WIPF1: variants seen among roughly 807,000 people sequenced by gnomAD.
WIPF1 encodes WAS/WASL interacting protein family member 1.
A neutral mutation model predicts 35.4 loss-of-function variants in WIPF1; 13 were observed. The ratio of observed to expected loss-of-function variants is 0.37; its 90% CI spans 0.24 to 0.58. The LOEUF (loss-of-function observed/expected upper bound fraction) is 0.58. WIPF1 is among the 20% of genes least tolerant of loss of function. WIPF1 has a pLI of 0.74. For synonymous variants in WIPF1, 267 were observed against 266.3 expected, an observed-to-expected ratio of 1.00 and a Z score of -0.02; for missense variants, 591 against 667.0, an observed-to-expected ratio of 0.89 and a Z score of 1.25.
intron 1 of WIPF1, among the ~76,000 whole-genome samples, chr2:174,674,336 G>A (rs769617340): frequency 2.6e-5 from 4 of 152,212 alleles, no homozygotes; most frequent in Non-Finnish European, 5.9e-5. Flanking sequence ...GAGAAACTCA[G>A]CTTTGCAGTC....
intron 1 of WIPF1, among the ~76,000 whole-genome samples, chr2:174,588,183 T>C (rs536509782): frequency 2.0e-5 from 3 of 151,952 alleles, no homozygotes; most frequent in Non-Finnish European, 4.4e-5. Context: ...ATGATCAGAG[T>C]TGGGAAAGGC....
chr2:174,562,036 T>C lies in WIPF1; in HGVS notation c.*511A>G. The C allele has an allele frequency of 1.9e-6, 3 of 1,545,790 alleles. No individual in the cohort carries two copies. Among genetic ancestry groups the C allele is most frequent in the Non-Finnish European group, 2.6e-6 (3 of 1,142,672 alleles). ...ATTATATTTCTATTGGACAGCTCTG[T>C]CCTAGAGCCAAGCTCGGACTGCCAA... On this transcript the variant is annotated 3_prime_UTR_variant, in exon 8 of 8. Coordinates refer to ENST00000679041, the MANE Select transcript of WIPF1 (RefSeq NM_001375834.1).
chr2:174,566,994 G>A (rs755183222), intron 7 of WIPF1, 76 bp downstream of exon 7: 3 of 1,449,894 alleles, frequency 2.1e-6, no homozygotes, highest in Non-Finnish European at 2.9e-6. Context: ...CAAGAAGCCT[G>A]GACTTTCTAT....
intron 1 of WIPF1, among the ~76,000 whole-genome samples, chr2:174,679,355 C>G (rs1003587831): frequency 6.6e-5 from 10 of 151,870 alleles, no homozygotes; most frequent in Admixed American, 2.0e-4. Context: ...GTAATCCCAG[C>G]TACTTGGGAG....
At chr2:174,611,300 G>C (rs1275882337) in intron 1 of WIPF1, among the ~76,000 whole-genome samples, 1 of 152,102 alleles carries the variant, frequency 6.6e-6, no homozygotes, top group African/African-American at 2.4e-5. Flanking sequence ...AAACTAGGAT[G>C]CAAATGGAAA....
chr2:174,618,784 C>T (rs1425983539), intron 1 of WIPF1, among the ~76,000 whole-genome samples: 1 of 152,188 alleles, frequency 6.6e-6, no homozygotes, highest in Non-Finnish European at 1.5e-5. Context: ...CAGTCTGTGC[C>T]TCCCTGTGGG....
At chr2:174,642,890 AT>A (rs1687329266) in intron 1 of WIPF1, among the ~76,000 whole-genome samples, 1 of 149,156 alleles carries the variant, frequency 6.7e-6, no homozygotes. Context: ...TCACAATCTT[AT>A]TTTTTCCAGT....
At chr2:174,576,847 T>G (rs888272955) in intron 3 of WIPF1, among the ~76,000 whole-genome samples, 1 of 152,228 alleles carries the variant, frequency 6.6e-6, no homozygotes, top group African/African-American at 2.4e-5. Flanking sequence ...AATTTATGTA[T>G]GTATGCATGT....
At position 174,675,792 on chromosome 2, in the gene WIPF1, T is replaced by C. The variant is rs369235932; in HGVS notation, c.-39+6982A>G. Among the ~76,000 whole-genome samples, 732 of 150,062 alleles carry C rather than the reference T, an allele frequency of 4.9e-3. 8 individuals are homozygous for C. The highest frequency in any genetic ancestry group is 0.017 in the African/African-American group (677 of 40,750). Reference sequence around the variant, plus strand: ...ACCTTTTCCAAGTTCTAAGAGACAATACGTTGTTTTTGCTTGTTTCCTCTG... The same window carrying C: ...ACCTTTTCCAAGTTCTAAGAGACAACACGTTGTTTTTGCTTGTTTCCTCTG... On this transcript the variant is annotated intron_variant, in intron 1 of 8. Transcript: ENST00000272746.
intron 1 of WIPF1, among the ~76,000 whole-genome samples, chr2:174,682,443 C>T (rs1688273119): frequency 6.6e-6 from 1 of 152,158 alleles, no homozygotes; most frequent in Admixed American, 6.5e-5. Flanking sequence ...GGTCCCGAGC[C>T]CCACGGGGCG....
In WIPF1 at chr2:174,593,233, C is replaced by CCT. The variant is rs750246216; in HGVS notation, c.-39+4366_-39+4367dup. 5.9e-3 allele frequency among the ~76,000 whole-genome samples: 886 copies of CCT among 151,198 alleles called. 12 individuals carry two copies. The highest frequency in any genetic ancestry group is 0.021 in the African/African-American group (856 of 41,326). Reference sequence around the variant, plus strand: ...GTACATGTACATCTCTCTCTCTCTCCCTCTCTCTCTCTGTGTCACACATAC... The same window carrying CCT: ...GTACATGTACATCTCTCTCTCTCTCCCTCTCTCTCTCTCTGTGTCACACATAC... On this transcript the variant is annotated intron_variant, in intron 1 of 7. Transcript: ENST00000679041.
intron 5 of WIPF1, among the ~76,000 whole-genome samples, chr2:174,569,690 A>G (rs568804596): frequency 6.6e-6 from 1 of 152,334 alleles, no homozygotes; most frequent in East Asian, 1.9e-4. Flanking sequence ...GAAATAAGAT[A>G]ACCACTATAC....
At chr2:174,585,149 C>T (rs1425295410) in intron 2 of WIPF1, among the ~76,000 whole-genome samples, 5 of 152,086 alleles carry the variant, frequency 3.3e-5, no homozygotes, top group African/African-American at 9.7e-5. Flanking sequence ...GTTTCTAGAC[C>T]GTCCAGCCCA....
In WIPF1 at chr2:174,559,726, C is replaced by T. The variant is rs1443611234; in HGVS notation, c.*2821G>A. 1.3e-5 allele frequency: 2 copies of T among 152,532 alleles called. No individual in the cohort carries two copies. Among genetic ancestry groups the T allele is most frequent in the African/African-American group, 2.4e-5 (1 of 41,420 alleles). The allele number at this position is 152,532 out of a possible 1,614,324, so 9.4% of individuals were successfully genotyped here. On this transcript the variant is annotated 3_prime_UTR_variant, in exon 8 of 8. Transcript: ENST00000679041. ...GTATGAAAAAAAAGTTTTTCTTCCT[C>T]TACGGTCCTTGACTATAAGGAGGGA...
chr2:174,669,584 C>T (rs1000476923), intron 1 of WIPF1, among the ~76,000 whole-genome samples: 2 of 152,192 alleles, frequency 1.3e-5, no homozygotes, highest in African/African-American at 4.8e-5. Flanking sequence ...CATACATTAA[C>T]GAAATTAACT....
chr2:174,574,953 T>TA lies in WIPF1; in HGVS notation c.358+250dup, dbSNP rs3049897. On this transcript the variant is annotated intron_variant, in intron 4 of 7. Transcript: ENST00000679041. ...CACTCCAGCTAACCCTTTAGAAAAG[T>TA]AAAAAAAAAAAAATGTACAGGTTAC... is the stretch of plus-strand genomic sequence containing the variant. 295,681 of 699,594 alleles carry TA rather than the reference T, an allele frequency of 0.42. 20,239 individuals carry two copies. Among genetic ancestry groups the TA allele is most frequent in the East Asian group, 0.54 (19,903 of 36,618 alleles). The allele number at this position is 699,594 out of a possible 1,614,324, so 43.3% of individuals were successfully genotyped here. A position where few individuals can be genotyped will look rare whatever the true frequency, so the allele number is the denominator to read the frequency against.
chr2:174,605,705 G>C (rs950311082), intron 1 of WIPF1, among the ~76,000 whole-genome samples: 1 of 152,116 alleles, frequency 6.6e-6, no homozygotes, highest in African/African-American at 2.4e-5. Flanking sequence ...TAGAAAAGGA[G>C]GGAAAGTGGG....
At chr2:174,633,151 T>C (rs1687079855) in intron 1 of WIPF1, among the ~76,000 whole-genome samples, 1 of 152,236 alleles carries the variant, frequency 6.6e-6, no homozygotes, top group Non-Finnish European at 1.5e-5. Context: ...AATCTTCTCT[T>C]ATTCTCTGTC....
At chr2:174,647,828 T>C (rs750487086) in intron 1 of WIPF1, among the ~76,000 whole-genome samples, 7 of 152,218 alleles carry the variant, frequency 4.6e-5, no homozygotes, top group African/African-American at 7.2e-5. Context: ...TTGGAGAAAC[T>C]GTTTATGTAG....
Sources: allele counts gnomAD v4.1 joint callset (sites outside exome capture counted in the v4.1 genomes callset), GRCh38; gene constraint gnomAD v4.1.1; transcripts MANE v1.5; gene names NCBI Gene and HGNC (gene_info 2026-07-23, HGNC 2026-07-21).